The following MARCHF1 variants were observed in gnomAD, a reference collection of about 807,000 sequenced individuals.
The protein encoded by MARCHF1 is membrane associated ring-CH-type finger 1.
Under a neutral mutation model 54.2 loss-of-function variants are expected in MARCHF1, and 40 were observed. The observed-to-expected ratio is 0.74, with a 90% CI of 0.57 to 0.96. MARCHF1 has a LOEUF of 0.96. MARCHF1 is among the 40% of genes least tolerant of loss of function. The pLI is 0.00. For missense variants in MARCHF1, 586 were observed against 656.5 expected (o/e 0.89, Z 1.17); for synonymous variants, 236 against 236.3 (o/e 1.00, Z 0.01).
intron 3 of MARCHF1, among the ~76,000 whole-genome samples, chr4:163,904,121 T>A (rs1315741028): frequency 6.6e-6 from 1 of 152,212 alleles, no homozygotes; most frequent in Non-Finnish European, 1.5e-5. Context: ...TAATATTCCA[T>A]TTGGCTAATA....
intron 4 of MARCHF1, among the ~76,000 whole-genome samples, chr4:163,776,277 C>T (rs898981646): frequency 4.6e-5 from 7 of 151,902 alleles, no homozygotes; most frequent in African/African-American, 9.7e-5. Context: ...GCTTTGTGTT[C>T]AAATCCAGAC....
At chr4:164,085,718 C>T (rs1002544341) in intron 2 of MARCHF1, among the ~76,000 whole-genome samples, 2 of 151,762 alleles carry the variant, frequency 1.3e-5, no homozygotes, top group Admixed American at 1.3e-4. Flanking sequence ...AAAGAGAAGT[C>T]TCAAGGGCAA....
chr4:164,297,049 T>G (rs540420072), intron 1 of MARCHF1, among the ~76,000 whole-genome samples: 2 of 152,182 alleles, frequency 1.3e-5, no homozygotes, highest in Admixed American at 1.3e-4. Context: ...TAAAATAAAA[T>G]AATAATTTCT....
chr4:163,691,231 T>G (rs1744439647), intron 5 of MARCHF1, among the ~76,000 whole-genome samples: 1 of 152,170 alleles, frequency 6.6e-6, no homozygotes, highest in African/African-American at 2.4e-5. Context: ...GTAAATGTCA[T>G]GATCATATAT....
chr4:163,876,786 A>T (rs1198804838), intron 3 of MARCHF1, among the ~76,000 whole-genome samples: 1 of 152,162 alleles, frequency 6.6e-6, no homozygotes, highest in East Asian at 1.9e-4. Context: ...GATTTTCTAC[A>T]ATCTTGCATG....
chr4:164,007,919 C>T (rs1479257354), intron 2 of MARCHF1, among the ~76,000 whole-genome samples: 1 of 151,980 alleles, frequency 6.6e-6, no homozygotes, highest in Non-Finnish European at 1.5e-5. Context: ...AGGAGAGTCT[C>T]ATAATAGCCA....
At chr4:163,953,346 T>C (rs969281356) in intron 3 of MARCHF1, among the ~76,000 whole-genome samples, 3 of 152,184 alleles carry the variant, frequency 2.0e-5, no homozygotes, top group Admixed American at 6.5e-5. Flanking sequence ...TGAAAAGTCA[T>C]TTAAGGCTTG....
intron 2 of MARCHF1, among the ~76,000 whole-genome samples, chr4:164,075,735 G>A (rs1269571469): frequency 6.6e-6 from 1 of 152,138 alleles, no homozygotes; most frequent in African/African-American, 2.4e-5. Flanking sequence ...TTTAACACAT[G>A]CTTTTGTTTT....
At chr4:164,241,228 G>T (rs1321086828) in intron 1 of MARCHF1, among the ~76,000 whole-genome samples, 2 of 152,068 alleles carry the variant, frequency 1.3e-5, no homozygotes, top group Non-Finnish European at 2.9e-5. Flanking sequence ...CAACCAATCA[G>T]CAGTATCTAT....
At chr4:164,084,443 G>T (rs1560896434) in intron 2 of MARCHF1, among the ~76,000 whole-genome samples, 1 of 151,596 alleles carries the variant, frequency 6.6e-6, no homozygotes, top group African/African-American at 2.4e-5. Flanking sequence ...TTTATATAAG[G>T]CATTTAAATA....
intron 1 of MARCHF1, among the ~76,000 whole-genome samples, chr4:164,233,691 A>AT (rs1176844114): frequency 1.3e-5 from 2 of 151,968 alleles, no homozygotes; most frequent in Middle Eastern, 3.4e-3. Context: ...AAGATGGCCC[A>AT]TTTTTTCTGC....
chr4:164,188,780 G>A (rs1731045808), intron 1 of MARCHF1: 9 of 911,226 alleles, frequency 9.9e-6, no homozygotes, highest in Non-Finnish European at 1.7e-5. Flanking sequence ...TATTGGAGGT[G>A]GGCAAACAAA....
rs138583511 is a variant in MARCHF1, at chr4:163,764,001, C to T, written c.112-63138G>A. Among the ~76,000 whole-genome samples the T allele has an allele frequency of 4.7e-3, 709 of 152,046 alleles. 4 individuals are homozygous for T. The highest frequency in any genetic ancestry group is 6.7e-3 in the Admixed American group (103 of 15,266). ...TAAATTTTTCTTGTAGAACTAAATA[C>T]CATTCCAAGTGTACACCACTGCAGG... On this transcript the variant is annotated intron_variant, in intron 4 of 9. Coordinates refer to ENST00000514618, the MANE Select transcript of MARCHF1 (RefSeq NM_001394959.1).
At chr4:163,736,433 C>G (rs965739030) in intron 4 of MARCHF1, among the ~76,000 whole-genome samples, 2 of 149,844 alleles carry the variant, frequency 1.3e-5, no homozygotes, top group African/African-American at 4.9e-5. Context: ...AAACTGTATG[C>G]AATTTAAAAC....
rs887966696 is a variant in MARCHF1 at position 163,935,458 on chromosome 4, T to G, written c.-39+53043A>C. Among the ~76,000 whole-genome samples, 6 of 152,242 alleles carry G rather than the reference T, an allele frequency of 3.9e-5. No homozygotes were observed. The South Asian group carries it at 1.2e-3, about 31-fold the overall frequency. On this transcript the variant is annotated intron_variant, in intron 3 of 9. Transcript: ENST00000514618. ...CTGAAGCTTCTCCATTAGCATTTGC[T>G]GCCTCACCTTGCTCTTTATGTTATG... is the stretch of plus-strand genomic sequence containing the variant.
chr4:164,152,458 C>G (rs1041298959), intron 1 of MARCHF1, among the ~76,000 whole-genome samples: 8 of 152,032 alleles, frequency 5.3e-5, no homozygotes, highest in Non-Finnish European at 1.0e-4. Context: ...TTATTTGATC[C>G]TATATATTGT....
rs60413104 is a variant in MARCHF1 at position 163,575,434 on chromosome 4, A to G, written c.1191+10315T>C. 2.3e-3 allele frequency among the ~76,000 whole-genome samples: 355 copies of G among 152,090 alleles called. 2 individuals are homozygous for G. Among genetic ancestry groups the G allele is most frequent in the African/African-American group, 8.3e-3 (345 of 41,504 alleles). ...TTGATCATAGTGAATTAGGTTTTTG[A>G]TATCTGTTGCATTTAGTTTGCTAAT... On this transcript the variant is annotated intron_variant, in intron 8 of 9. Transcript: ENST00000514618.
intron 3 of MARCHF1, among the ~76,000 whole-genome samples, chr4:163,963,074 T>C (rs553224020): frequency 6.6e-6 from 1 of 152,012 alleles, no homozygotes; most frequent in African/African-American, 2.4e-5. Flanking sequence ...CATATGCTCT[T>C]AAGGAATAAT....
chr4:163,910,718 A>T (rs1281227618), intron 3 of MARCHF1, among the ~76,000 whole-genome samples: 1 of 152,180 alleles, frequency 6.6e-6, no homozygotes, highest in Non-Finnish European at 1.5e-5. Flanking sequence ...GCTGGTCTCG[A>T]ACTCCTGACC....
Sources: gnomAD v4.1 joint callset for allele counts (sites outside exome capture counted in the v4.1 genomes callset) on GRCh38, gnomAD v4.1.1 for gene constraint, MANE v1.5 for transcripts, NCBI Gene and HGNC (gene_info 2026-07-23, HGNC 2026-07-21) for gene names.